The following ADGRL2 variants were observed in gnomAD, a reference collection of about 807,000 sequenced individuals.
ADGRL2 encodes the protein calcium-independent alpha-latrotoxin receptor 2.
A neutral mutation model predicts 157.4 loss-of-function variants in ADGRL2; 44 were observed. The ratio of observed to expected loss-of-function variants is 0.28; its 90% CI spans 0.22 to 0.36. The LOEUF is 0.36. Ranked by LOEUF, ADGRL2 falls within the 10% of genes least tolerant of loss-of-function variation. The probability of loss-of-function intolerance (pLI) is 1.00; values close to 1 mark genes in which losing one functional copy is unlikely to be tolerated. For missense variants in ADGRL2, 1,510 were observed against 1,768.9 expected (o/e 0.85, Z 2.63); for synonymous variants, 585 against 624.7 (o/e 0.94, Z 0.95).
At chr1:81,415,304 C>A (rs374614740) in intron 1 of ADGRL2, among the ~76,000 whole-genome samples, 73 of 152,118 alleles carry the variant, frequency 4.8e-4, no homozygotes, top group Middle Eastern at 6.8e-3. Flanking sequence ...TGCCAAATAC[C>A]CTTATCTACT....
intron 3 of ADGRL2, among the ~76,000 whole-genome samples, chr1:81,672,360 CT>C (rs1438077055): frequency 6.6e-6 from 1 of 152,176 alleles, no homozygotes; most frequent in Non-Finnish European, 1.5e-5. Context: ...ATGCTGCTTC[CT>C]GGTAACTTTC....
chr1:81,554,724 G>T (rs983898200), intron 2 of ADGRL2, among the ~76,000 whole-genome samples: 3 of 152,034 alleles, frequency 2.0e-5, no homozygotes, highest in African/African-American at 7.2e-5. Flanking sequence ...CAGCCTTGAG[G>T]TCATATTATA....
chr1:81,590,666 C>T (rs1008034509), intron 3 of ADGRL2, among the ~76,000 whole-genome samples: 1 of 152,272 alleles, frequency 6.6e-6, no homozygotes, highest in Non-Finnish European at 1.5e-5. Flanking sequence ...TCCTAAGGAA[C>T]ATAGATATGG....
rs774334338 is a variant in ADGRL2, at chr1:81,936,761, T to C, written c.321T>C (p.Thr107=). Residue 107 remains threonine (T), a synonymous_variant, in exon 4 of 24, where the codon ACT becomes ACC. Transcript: ENST00000686636. ...CNNRTQCIVV[T]GSDVFPDPCP... is the part of the protein sequence containing the mutation. ...ATCGAACACAGTGTATAGTAGTTAC[T>C]GGGTCAGATGTGTTTCCTGATCCAT... The C allele has an allele frequency of 5.0e-6, 8 of 1,611,700 alleles. No individual in the cohort carries two copies. In the South Asian group the frequency reaches 8.8e-5, roughly 18 times the overall value.
chr1:81,399,986 G>A (rs565490160), intron 1 of ADGRL2, among the ~76,000 whole-genome samples: 1 of 151,580 alleles, frequency 6.6e-6, no homozygotes, highest in Non-Finnish European at 1.5e-5. Context: ...GTTGCTGGTT[G>A]GGAAAGGTGT....
Position 81,990,895 on chromosome 1 carries a change from A to G in ADGRL2, c.4160A>G (p.Asn1387Ser), listed in dbSNP as rs1490750593. ...NRDSLYTSMP[N>S]LRDSPYPESS... ...GACTCTCTTTATACAAGCATGCCCA[A>G]TCTTAGAGACTCTCCCTATCCGGAG... The change falls in exon 24 of 24, where the codon AAT becomes AGT. Residue 1387 changes from asparagine (N) to serine (S), a missense_variant. Transcript: ENST00000686636. The G allele has an allele frequency of 6.2e-7, 1 of 1,614,070 alleles. No individual in the cohort carries two copies. The highest frequency in any genetic ancestry group is 8.5e-7 in the Non-Finnish European group (1 of 1,179,998).
At chr1:81,923,002 A>G (rs2095023890) in intron 3 of ADGRL2, among the ~76,000 whole-genome samples, 1 of 152,174 alleles carries the variant, frequency 6.6e-6, no homozygotes, top group South Asian at 2.1e-4. Context: ...GAGATGCAGC[A>G]AAAGGACACT....
chr1:81,734,854 A>T (rs1200542502), intron 1 of ADGRL2, among the ~76,000 whole-genome samples: 7 of 146,790 alleles, frequency 4.8e-5, no homozygotes, highest in Non-Finnish European at 9.1e-5. Context: ...ACCAACATGG[A>T]GAAACCCTGT....
chr1:81,669,664 T>C (rs1407282764), intron 3 of ADGRL2, among the ~76,000 whole-genome samples: 4 of 152,008 alleles, frequency 2.6e-5, no homozygotes, highest in East Asian at 1.9e-4. Flanking sequence ...GACACCTGGC[T>C]GGGTGTGGTG....
chr1:81,369,239 A>C (rs532115747), intron 1 of ADGRL2, among the ~76,000 whole-genome samples: 2 of 152,276 alleles, frequency 1.3e-5, no homozygotes, highest in South Asian at 2.1e-4. Flanking sequence ...GAGGACAGAA[A>C]GAGAAAATGC....
chr1:81,569,873 C>T (rs1474663145), intron 2 of ADGRL2, among the ~76,000 whole-genome samples: 1 of 152,016 alleles, frequency 6.6e-6, no homozygotes, highest in East Asian at 1.9e-4. Context: ...AAATGTCAGC[C>T]ATCTAAAGGT....
intron 3 of ADGRL2, among the ~76,000 whole-genome samples, chr1:81,647,502 C>T (rs546287811): frequency 3.9e-5 from 6 of 152,138 alleles, no homozygotes; most frequent in African/African-American, 9.6e-5. Context: ...TTCAGTGTCC[C>T]CAGAGGAAAA....
intron 1 of ADGRL2, among the ~76,000 whole-genome samples, chr1:81,354,484 G>C (rs1184639549): frequency 6.6e-6 from 1 of 152,096 alleles, no homozygotes; most frequent in Admixed American, 6.5e-5. Flanking sequence ...TTGAATGAAA[G>C]AAAGAACAAG....
intron 2 of ADGRL2, among the ~76,000 whole-genome samples, chr1:81,783,024 G>A (rs2086881526): frequency 6.6e-6 from 1 of 152,192 alleles, no homozygotes; most frequent in African/African-American, 2.4e-5. Flanking sequence ...ATCTGTAATA[G>A]CTCTTCTCTT....
chr1:81,449,081 T>G lies in ADGRL2; in HGVS notation c.-248+3992T>G, dbSNP rs1295209296. ...CTGATGGAATAAGTGGCATCAAAGA[T>G]GTGGTTTGAATAATGAATACTTTGG... is the stretch of plus-strand genomic sequence containing the variant. On this transcript the variant is annotated intron_variant, in intron 2 of 24. Transcript: ENST00000370721. Among the ~76,000 whole-genome samples, 3 of 152,330 alleles carry G rather than the reference T, an allele frequency of 2.0e-5. No individual in the cohort carries two copies. In the East Asian group the frequency reaches 5.8e-4, roughly 29 times the overall value.
In ADGRL2 at chr1:81,400,282, T is replaced by C. The variant is rs939747402; in HGVS notation, c.-301-44754T>C. On this transcript the variant is annotated intron_variant, in intron 1 of 24. Transcript: ENST00000370721. ...CAGGTGCAGGCACTAGGAACATCTT[T>C]GGGGCCCGTGTCAAGACTCAGAGTC... Among the ~76,000 whole-genome samples the C allele has an allele frequency of 4.1e-4, 63 of 151,926 alleles. 3 individuals are homozygous for C. The highest frequency in any genetic ancestry group is 5.9e-5 in the Non-Finnish European group (4 of 67,992).
intron 3 of ADGRL2, among the ~76,000 whole-genome samples, chr1:81,681,335 G>C (rs1490679834): frequency 1.3e-5 from 2 of 152,196 alleles, no homozygotes; most frequent in Non-Finnish European, 2.9e-5. Context: ...AACTGGAACT[G>C]TTTGGGACCC....
At chr1:81,423,448 C>T (rs2077160501) in intron 1 of ADGRL2, among the ~76,000 whole-genome samples, 1 of 152,068 alleles carries the variant, frequency 6.6e-6, no homozygotes, top group Non-Finnish European at 1.5e-5. Flanking sequence ...ACACACATCG[C>T]GACGGCCCAG....
intron 3 of ADGRL2, among the ~76,000 whole-genome samples, chr1:81,640,349 A>G (rs944681734): frequency 6.6e-6 from 1 of 152,060 alleles, no homozygotes. Context: ...ATAAAAAATT[A>G]TAGGGCCGGG....
Sources: gnomAD v4.1 joint callset for allele counts (sites outside exome capture counted in the v4.1 genomes callset) on GRCh38, gnomAD v4.1.1 for gene constraint, MANE v1.5 for transcripts, NCBI Gene and HGNC (gene_info 2026-07-23, HGNC 2026-07-21) for gene names.